Variants in MCHR2 observed in about 807,000 individuals in gnomAD.
The protein encoded by MCHR2 is melanin concentrating hormone receptor 2, also known as melanin-concentrating hormone receptor 2.
MCHR2 carries 15 observed loss-of-function variants against 24.8 expected under a neutral mutation model. The ratio of observed to expected loss-of-function variants is 0.60; its 90% CI spans 0.40 to 0.93. MCHR2 has a LOEUF of 0.93. Among genes scored for constraint, MCHR2 ranks in the 40% least tolerant of loss-of-function variants. MCHR2 has a pLI of 0.00. For missense variants in MCHR2, 386 were observed against 408.7 expected (o/e 0.94, Z 0.48); for synonymous variants, 151 against 147.6 (o/e 1.02, Z -0.17).
chr6:99,990,385 C>T (rs561298079), intron 1 of MCHR2, among the ~76,000 whole-genome samples: 22 of 152,184 alleles, frequency 1.4e-4, no homozygotes, highest in African/African-American at 5.1e-4. Context: ...ACTATTTACC[C>T]TGTATGTGTG....
chr6:99,921,274 G>C lies in MCHR2; in HGVS notation c.708-19C>G, dbSNP rs779422340. 1.2e-6 allele frequency: 2 copies of C among 1,605,236 alleles called. No individual in the cohort carries two copies. The highest frequency in any genetic ancestry group is 4.5e-5 in the East Asian group (2 of 44,816). On this transcript the variant is annotated intron_variant, in intron 5 of 5. Transcript: ENST00000281806. ...ATTGCAGCTGCAGAGGAAACATTCA[G>C]ATAGACAGGGTATAAACAACCATAG... is the stretch of plus-strand genomic sequence containing the variant.
At chr6:99,983,952 G>A (rs1457863244) in intron 1 of MCHR2, among the ~76,000 whole-genome samples, 5 of 152,142 alleles carry the variant, frequency 3.3e-5, no homozygotes, top group African/African-American at 1.2e-4. Context: ...GCTCTGGAAG[G>A]AAGGATTGGA....
intron 4 of MCHR2, among the ~76,000 whole-genome samples, chr6:99,937,870 G>A (rs951813336): frequency 6.6e-6 from 1 of 151,470 alleles, no homozygotes; most frequent in African/African-American, 2.4e-5. Context: ...TTGTTACAGC[G>A]TCAGTCTCCT....
At chr6:99,989,460 T>C (rs1447657269) in intron 1 of MCHR2, among the ~76,000 whole-genome samples, 4 of 152,180 alleles carry the variant, frequency 2.6e-5, no homozygotes, top group African/African-American at 9.6e-5. Context: ...CCAAAGAGAA[T>C]ACTGAGGCTA....
chr6:99,956,079 CTCTT>C lies in MCHR2; in HGVS notation c.65_68del (p.Lys22SerfsTer10). On this transcript the variant is annotated frameshift_variant, in exon 2 of 6. Transcript: ENST00000281806. LOFTEE classifies it high-confidence loss of function. ...CCACACTGGCAGTTTGATAAGCAAA[CTCTT>C]TATTCCAGGATTTGTTTAAAAGTTC... The C allele has an allele frequency of 6.2e-7, 1 of 1,613,458 alleles. No homozygotes were observed. Among genetic ancestry groups the C allele is most frequent in the Non-Finnish European group, 8.5e-7 (1 of 1,179,610 alleles).
chr6:99,925,221 C>CT lies in MCHR2; in HGVS notation c.708-3967dup, dbSNP rs895748988. 4.6e-5 allele frequency among the ~76,000 whole-genome samples: 7 copies of CT among 151,844 alleles called. No homozygotes were observed. The East Asian group carries it at 1.2e-3, about 25-fold the overall frequency. ...ATTTTGTCTGATATGACTACTCCTG[C>CT]TTTTTTTGGTTTCCATTGGTATGGT... On this transcript the variant is annotated intron_variant, in intron 5 of 5. Transcript: ENST00000281806.
chr6:99,940,186 C>T (rs9389875), intron 4 of MCHR2, among the ~76,000 whole-genome samples: 63,528 of 151,578 alleles, frequency 0.42, 13,990 homozygotes, highest in East Asian at 0.76. Context: ...CTACTCCTTG[C>T]GCTTGCTCAA....
intron 1 of MCHR2, among the ~76,000 whole-genome samples, chr6:99,989,769 T>C (rs536826705): frequency 6.6e-6 from 1 of 152,182 alleles, no homozygotes; most frequent in Admixed American, 6.5e-5. Context: ...CAAACTGTAC[T>C]CACCTTCCAC....
chr6:99,967,987 G>A (rs777292868), intron 1 of MCHR2, among the ~76,000 whole-genome samples: 1 of 152,126 alleles, frequency 6.6e-6, no homozygotes, highest in Non-Finnish European at 1.5e-5. Context: ...TTCCCCATTG[G>A]TAAAACAGTA....
At chr6:99,933,869 G>A (rs1774596518) in intron 5 of MCHR2, among the ~76,000 whole-genome samples, 1 of 151,978 alleles carries the variant, frequency 6.6e-6, no homozygotes, top group Non-Finnish European at 1.5e-5. Context: ...TGCAGCTTTA[G>A]AGACAAGTAT....
intron 5 of MCHR2, 85 bp downstream of exon 5, chr6:99,934,313 A>C (rs1774606494): frequency 7.5e-7 from 1 of 1,330,076 alleles, no homozygotes; most frequent in Non-Finnish European, 9.9e-7. Flanking sequence ...GTATGTTTCA[A>C]GTCACTGTTG....
At chr6:99,945,011 T>C (rs1582383561) in intron 3 of MCHR2, among the ~76,000 whole-genome samples, 1 of 152,258 alleles carries the variant, frequency 6.6e-6, no homozygotes, top group East Asian at 1.9e-4. Flanking sequence ...ACTGTCTCCC[T>C]CTTAGGGAAG....
chr6:99,962,522 T>A (rs1242948829), intron 1 of MCHR2, among the ~76,000 whole-genome samples: 2 of 152,102 alleles, frequency 1.3e-5, no homozygotes, highest in East Asian at 3.9e-4. Flanking sequence ...CAACAAATGA[T>A]GTCGAAAAAT....
At chr6:99,925,886 A>G (rs1298486302) in intron 5 of MCHR2, among the ~76,000 whole-genome samples, 1 of 151,074 alleles carries the variant, frequency 6.6e-6, no homozygotes, top group Non-Finnish European at 1.5e-5. Context: ...CACAATGTGC[A>G]GGTTAGTTAC....
intron 2 of MCHR2, among the ~76,000 whole-genome samples, chr6:99,952,368 T>C (rs1358781771): frequency 6.6e-6 from 1 of 152,160 alleles, no homozygotes; most frequent in Non-Finnish European, 1.5e-5. Flanking sequence ...TAAACATATT[T>C]ATTTTATATA....
At chr6:99,961,343 G>A (rs906727466) in intron 1 of MCHR2, among the ~76,000 whole-genome samples, 1 of 151,868 alleles carries the variant, frequency 6.6e-6, no homozygotes, top group Non-Finnish European at 1.5e-5. Flanking sequence ...TTGACCCAGC[G>A]ATCCCATTAC....
At position 99,921,183 on chromosome 6, in the gene MCHR2, A is replaced by G; in HGVS notation, c.780T>C (p.Phe260=). ...CATGATAAGGGGCAGCACTCAGGATAAAGACTACCACCAGCACCAGCACCA... is the reference window on the plus strand; with the variant it reads ...CATGATAAGGGGCAGCACTCAGGATGAAGACTACCACCAGCACCAGCACCA... ...TKMVLVLVVV[F]ILSAAPYHVI... The change falls in exon 6 of 6, where the codon TTT becomes TTC. Residue 260 remains phenylalanine (F), a synonymous_variant. Transcript: ENST00000281806. 1.2e-6 allele frequency: 2 copies of G among 1,614,154 alleles called. No homozygotes were observed. Among genetic ancestry groups the G allele is most frequent in the Non-Finnish European group, 1.7e-6 (2 of 1,180,002 alleles).
At chr6:99,968,549 G>A (rs1775335095) in intron 1 of MCHR2, among the ~76,000 whole-genome samples, 1 of 152,008 alleles carries the variant, frequency 6.6e-6, no homozygotes, top group Non-Finnish European at 1.5e-5. Context: ...TTTTCCTAAT[G>A]AGGAATACAC....
intron 1 of MCHR2, among the ~76,000 whole-genome samples, chr6:99,961,132 AAAC>A (rs768443163): frequency 5.7e-4 from 87 of 152,294 alleles, no homozygotes; most frequent in African/African-American, 1.9e-3. Flanking sequence ...TACAAGAAAA[AAAC>A]AACAACCCCA....
Sources: allele counts gnomAD v4.1 joint callset (sites outside exome capture counted in the v4.1 genomes callset), GRCh38; gene constraint gnomAD v4.1.1; transcripts MANE v1.5; gene names NCBI Gene and HGNC (gene_info 2026-07-23, HGNC 2026-07-21).